The following TUBGCP2 variants were observed in gnomAD, a reference collection of about 807,000 sequenced individuals.
TUBGCP2 encodes the protein tubulin gamma complex component 2.
TUBGCP2 carries 55 observed loss-of-function variants against 92.2 expected under a neutral mutation model. That is an observed-to-expected ratio of 0.60 (90% confidence interval 0.48 to 0.75). TUBGCP2 has a LOEUF of 0.75. Ranked by LOEUF, TUBGCP2 falls within the 30% of genes least tolerant of loss-of-function variation. The pLI is 0.00. For synonymous variants in TUBGCP2, 533 were observed against 505.2 expected (o/e 1.06, Z -0.74); for missense variants, 1,093 against 1,188.9 (o/e 0.92, Z 1.19).
chr10:133,287,988 G>A lies in TUBGCP2; in HGVS notation c.1722+141C>T, dbSNP rs1033785530. The A allele has an allele frequency of 4.4e-5, 53 of 1,202,678 alleles. 1 individual carries two copies. The highest frequency in any genetic ancestry group is 4.4e-4 in the South Asian group (25 of 56,762). 74.5% of individuals were successfully genotyped at this position (1,202,678 alleles called of 1,614,324 possible). A position where few individuals can be genotyped will look rare whatever the true frequency, so the allele number is the denominator to read the frequency against. ...CCCCCGATCCCGGCAAGCCGGCCCC[G>A]GTAGCCAAGTGAAGGAAACAGACCC... On this transcript the variant is annotated intron_variant, in intron 11 of 17. Transcript: ENST00000252936.
rs1369920170 is a variant in TUBGCP2, at chr10:133,285,213, C to T, written c.1896G>A (p.Arg632=). The T allele has an allele frequency of 1.9e-6, 3 of 1,612,142 alleles. No homozygotes were observed. The highest frequency in any genetic ancestry group is 1.7e-5 in the Admixed American group (1 of 60,022). ...VKWPLSLIIN[R]KALTRYQMLF... Reference sequence around the variant, plus strand: ...GCATCTGGTAGCGAGTGAGGGCTTTCCTGCAAGAGACGTGGCGGCACCTCA... The same window carrying T: ...GCATCTGGTAGCGAGTGAGGGCTTTTCTGCAAGAGACGTGGCGGCACCTCA... The change falls in exon 13 of 18, where the codon AGG becomes AGA. Residue 632 remains arginine (R), a splice_region_variant and synonymous_variant. Transcript: ENST00000252936. This position sits in a 1 kb window ranked among gnomAD's most constrained non-coding sequence, Gnocchi z 6.8.
rs373197759 is a variant in TUBGCP2 at position 133,288,210 on chromosome 10, C to T, written c.1641G>A (p.Thr547=). ...EELRKPVEDI[T]PPRLEALLEL... is the part of the protein sequence containing the mutation. ...CCAGGAGCGCTTCCAGGCGAGGGGG[C>T]GTGATGTCCTCCACCGGCTTCCGGA... The change falls in exon 11 of 18, where the codon ACG becomes ACA. Residue 547 remains threonine, a synonymous_variant. Transcript: ENST00000252936. 47 of 1,613,770 alleles carry T rather than the reference C, an allele frequency of 2.9e-5. No homozygotes were observed. The highest frequency in any genetic ancestry group is 4.5e-5 in the East Asian group (2 of 44,886).
At position 133,279,777 on chromosome 10, in the gene TUBGCP2, T is replaced by C; in HGVS notation, c.2698A>G (p.Thr900Ala). 6.4e-7 allele frequency: 1 copy of C among 1,559,426 alleles called. No homozygotes were observed. Among genetic ancestry groups the C allele is most frequent in the East Asian group, 2.4e-5 (1 of 41,434 alleles). ...PPAPAPRVAV[T>A]AQ ...GTCACAGCCAGGGCTCACTGTGCGG[T>C]GACTGCGACCCTGGGTGCAGGAGCC... Residue 900 changes from threonine to alanine, a missense_variant, in exon 18 of 18, where the codon ACC (threonine) becomes GCC (alanine). Thr to Ala is a moderately conservative substitution (Grantham distance 58). Around this residue, in one of 3 missense-constraint regions of TUBGCP2, gnomAD observed 598 missense variants for 675.5 expected, o/e 0.89. Transcript: ENST00000252936.
At chr10:133,296,924 T>G (rs1427056730) in intron 5 of TUBGCP2, among the ~76,000 whole-genome samples, 1 of 152,220 alleles carries the variant, frequency 6.6e-6, no homozygotes, top group African/African-American at 2.4e-5. Flanking sequence ...GGATTTCACG[T>G]CACCGTTCTC....
At chr10:133,310,572 A>G, upstream of TUBGCP2, 1 of 452,786 alleles carries the variant, frequency 2.2e-6, no homozygotes, top group Non-Finnish European at 4.1e-6. Flanking sequence ...CTCCGCACTC[A>G]CACCCCTCTG....
At chr10:133,291,192 C>T (rs1847278262) in intron 8 of TUBGCP2, among the ~76,000 whole-genome samples, 1 of 152,048 alleles carries the variant, frequency 6.6e-6, no homozygotes, top group South Asian at 2.1e-4. Flanking sequence ...TTTCCTGAGA[C>T]CACAAGCAAA....
At chr10:133,310,012 C>T, upstream of TUBGCP2, 1 of 1,611,506 alleles carries the variant, frequency 6.2e-7, no homozygotes, top group African/African-American at 1.3e-5. Flanking sequence ...GAGGCCACCC[C>T]CCATTGGTGA....
chr10:133,305,398 G>A (rs1044367049), intron 1 of TUBGCP2, among the ~76,000 whole-genome samples: 2 of 152,124 alleles, frequency 1.3e-5, no homozygotes, highest in African/African-American at 2.4e-5. Flanking sequence ...TCTTTACCCT[G>A]CCCCTTTTGC....
At chr10:133,310,453 T>C (rs1847965514), upstream of TUBGCP2, 1 of 900,222 alleles carries the variant, frequency 1.1e-6, no homozygotes, top group African/African-American at 1.7e-5. Context: ...TACAGGTGGT[T>C]GTGCCAGCGG....
In TUBGCP2 at chr10:133,282,302, C is replaced by G; in HGVS notation, c.2330G>C (p.Gly777Ala). 1 of 1,606,186 alleles carries G rather than the reference C, an allele frequency of 6.2e-7. No homozygotes were observed. The highest frequency in any genetic ancestry group is 1.1e-5 in the South Asian group (1 of 90,576). Residue 777 changes from glycine (G) to alanine (A), a missense_variant, in exon 16 of 18, where the codon GGG becomes GCG. By Grantham distance (60) the Gly-to-Ala change is moderately conservative. Coordinates refer to ENST00000252936, the MANE Select transcript of TUBGCP2 (RefSeq NM_006659.4). ...QSMKLDGELG[G>A]QTLEHSTVLG... Reference sequence around the variant, plus strand: ...GACGGTGCTGTGCTCCAGCGTCTGCCCGCCCAGCTCGCCATCTAATTTCAT... The same window carrying G: ...GACGGTGCTGTGCTCCAGCGTCTGCGCGCCCAGCTCGCCATCTAATTTCAT...
Position 133,300,057 on chromosome 10 carries a change from T to C in TUBGCP2, c.207A>G (p.Glu69=), listed in dbSNP as rs1390975108. The part of the protein sequence containing the change: ...TPEDFLKKYD[E]LKSKNTRNLD... ...GGTTCCTTGTATTTTTAGATTTCAG[T>C]TCATCATATTTCTTTAGAAAGTCTT... Residue 69 remains glutamate (E), a synonymous_variant, in exon 3 of 18, where the codon GAA becomes GAG. Coordinates refer to ENST00000252936, the MANE Select transcript of TUBGCP2 (RefSeq NM_006659.4). The C allele has an allele frequency of 3.1e-6, 5 of 1,614,166 alleles. No individual in the cohort carries two copies. Among genetic ancestry groups the C allele is most frequent in the Non-Finnish European group, 2.5e-6 (3 of 1,180,002 alleles).
At chr10:133,287,651 G>C (rs1847163343) in intron 11 of TUBGCP2, among the ~76,000 whole-genome samples, 1 of 147,402 alleles carries the variant, frequency 6.8e-6, no homozygotes, top group South Asian at 2.2e-4. Context: ...CTGAGGTAGA[G>C]CATCACTTGA....
chr10:133,309,498 C>A (rs749497111), upstream of TUBGCP2: 3 of 1,595,244 alleles, frequency 1.9e-6, no homozygotes, highest in South Asian at 1.1e-5. Context: ...CAGTGCTACT[C>A]CTGCGCCGCC....
At chr10:133,305,491 C>G (rs10857700) in intron 1 of TUBGCP2, among the ~76,000 whole-genome samples, 47 of 152,188 alleles carry the variant, frequency 3.1e-4, no homozygotes, top group African/African-American at 8.7e-4. Context: ...GTTCCCCGGG[C>G]CCGCTGTCTT....
In TUBGCP2 at chr10:133,281,296, G is replaced by A. The variant is rs1038100797; in HGVS notation, c.2550C>T (p.His850=). 8 of 1,612,296 alleles carry A rather than the reference G, an allele frequency of 5.0e-6. No homozygotes were observed. The highest frequency in any genetic ancestry group is 1.1e-5 in the South Asian group (1 of 91,030). ...ACCTGGAGATGACGCTGGCCATGCCGTGCTCACAGTCACTGGTGCTATAGA... is the reference window on the plus strand; with the variant it reads ...ACCTGGAGATGACGCTGGCCATGCCATGCTCACAGTCACTGGTGCTATAGA... The part of the protein sequence containing the change: ...LSIYSTSDCE[H]GMASVISRLD... Residue 850 remains histidine (H), a synonymous_variant, in exon 17 of 18, where the codon CAC becomes CAT. Transcript: ENST00000252936.
intron 8 of TUBGCP2, 50 bp from the exon 9 acceptor site, chr10:133,290,019 G>GGC (rs1847242443): frequency 6.3e-7 from 1 of 1,597,098 alleles, no homozygotes; most frequent in South Asian, 1.1e-5. Context: ...GGGCGCCTGA[G>GGC]GCAGGCGACA....
intron 5 of TUBGCP2, among the ~76,000 whole-genome samples, chr10:133,294,178 A>C (rs1365739410): frequency 6.6e-6 from 1 of 152,262 alleles, no homozygotes; most frequent in Non-Finnish European, 1.5e-5. Context: ...TTAAACGTTA[A>C]GAAACTCTTG....
At chr10:133,288,424 G>A (rs1042104105) in intron 10 of TUBGCP2, 115 bp from the exon 11 acceptor site, 23 of 1,334,442 alleles carry the variant, frequency 1.7e-5, no homozygotes, top group South Asian at 4.1e-5. Context: ...GGGAGCAGGC[G>A]TGAGCACGTG....
chr10:133,303,999 A>G (rs576711651), intron 1 of TUBGCP2, among the ~76,000 whole-genome samples: 2 of 152,344 alleles, frequency 1.3e-5, no homozygotes, highest in East Asian at 3.9e-4. Flanking sequence ...GTGGCTGCTC[A>G]TTAGCCTCTG....
Sources: allele counts gnomAD v4.1 joint callset (sites outside exome capture counted in the v4.1 genomes callset), GRCh38; gene constraint gnomAD v4.1.1; regional missense constraint gnomAD v4.1.1; non-coding constraint Gnocchi (gnomAD v3.1); transcripts MANE v1.5; gene names NCBI Gene and HGNC (gene_info 2026-07-23, HGNC 2026-07-21).